Variants in FAR2 observed in about 807,000 individuals in gnomAD.
FAR2 encodes the protein fatty acyl-CoA reductase 2.
A neutral mutation model predicts 56.0 loss-of-function variants in FAR2; 19 were observed. The observed-to-expected ratio is 0.34, with a 90% CI of 0.24 to 0.50. The LOEUF is 0.50. Among genes scored for constraint, FAR2 ranks in the 20% least tolerant of loss-of-function variants. FAR2 has a pLI of 0.98. For synonymous variants in FAR2, 219 were observed against 218.8 expected (o/e 1.00, Z -0.01); for missense variants, 508 against 642.2 (o/e 0.79, Z 2.26).
intron 1 of FAR2, among the ~76,000 whole-genome samples, chr12:29,166,411 T>C (rs1355853314): frequency 2.6e-5 from 4 of 152,208 alleles, no homozygotes; most frequent in African/African-American, 9.6e-5. Flanking sequence ...CCAAGTGTTG[T>C]CTTATCTTTC....
intron 9 of FAR2, among the ~76,000 whole-genome samples, chr12:29,320,193 C>T (rs775088045): frequency 1.2e-4 from 19 of 152,212 alleles, no homozygotes; most frequent in Admixed American, 1.1e-3. Context: ...GGCAATAAAG[C>T]GAGACCCTGT....
intron 4 of FAR2, among the ~76,000 whole-genome samples, chr12:29,302,457 G>T (rs7301398): frequency 0.3 from 45,407 of 151,596 alleles, 6,858 homozygotes; most frequent in East Asian, 0.35. Context: ...GCCTGGCAGG[G>T]CAGCTGGAGC....
intron 1 of FAR2, among the ~76,000 whole-genome samples, chr12:29,258,131 G>A (rs1322643203): frequency 1.3e-5 from 2 of 151,630 alleles, no homozygotes; most frequent in Admixed American, 6.6e-5. Flanking sequence ...ATCACCTGAG[G>A]TCAGGAATTC....
chr12:29,265,576 G>C (rs182693392), intron 1 of FAR2, among the ~76,000 whole-genome samples: 1 of 152,136 alleles, frequency 6.6e-6, no homozygotes, highest in South Asian at 2.1e-4. Flanking sequence ...TGAAACTACT[G>C]TAAGAAAACA....
chr12:29,296,053 C>A (rs527419130), intron 3 of FAR2, among the ~76,000 whole-genome samples: 88 of 152,230 alleles, frequency 5.8e-4, no homozygotes, highest in South Asian at 2.3e-3. Context: ...CAGGCGTGAG[C>A]CACCGCGCCC....
chr12:29,196,186 AT>A (rs1369894106), intron 1 of FAR2, among the ~76,000 whole-genome samples: 2 of 152,074 alleles, frequency 1.3e-5, no homozygotes, highest in African/African-American at 4.8e-5. Flanking sequence ...TTTTTATAGA[AT>A]GACTTCTTTT....
Position 29,334,058 on chromosome 12 carries a change from C to T in FAR2, c.*264C>T, listed in dbSNP as rs552828644. 3.2e-4 allele frequency: 90 copies of T among 285,714 alleles called. No individual in the cohort carries two copies. Among genetic ancestry groups the T allele is most frequent in the Non-Finnish European group, 4.9e-4 (76 of 154,358 alleles). The allele number at this position is 285,714 out of a possible 1,614,324, so 17.7% of individuals were successfully genotyped here. On this transcript the variant is annotated 3_prime_UTR_variant, in exon 12 of 12. Coordinates refer to ENST00000536681, the MANE Select transcript of FAR2 (RefSeq NM_001271783.2). ...CTATTTTATGCCCTTGCGTATTAAACGTGAAAGTACTCCCACTTTTCTATA... is the reference window on the plus strand; with the variant it reads ...CTATTTTATGCCCTTGCGTATTAAATGTGAAAGTACTCCCACTTTTCTATA...
chr12:29,299,563 G>T (rs1227857930), intron 4 of FAR2, among the ~76,000 whole-genome samples: 1 of 152,184 alleles, frequency 6.6e-6, no homozygotes, highest in East Asian at 1.9e-4. Flanking sequence ...CAACTAATTA[G>T]AACTAGGAAT....
chr12:29,271,427 T>C (rs1054158935), intron 2 of FAR2, among the ~76,000 whole-genome samples: 1 of 152,214 alleles, frequency 6.6e-6, no homozygotes, highest in Non-Finnish European at 1.5e-5. Context: ...ACTAATTTCA[T>C]AGGAACTAAA....
At chr12:29,196,322 T>G (rs1471325931) in intron 1 of FAR2, among the ~76,000 whole-genome samples, 1 of 152,146 alleles carries the variant, frequency 6.6e-6, no homozygotes, top group Non-Finnish European at 1.5e-5. Flanking sequence ...ATAAGCATTC[T>G]CTTTTCTCTG....
At chr12:29,239,087 A>G (rs571248891) in intron 1 of FAR2, among the ~76,000 whole-genome samples, 77 of 152,300 alleles carry the variant, frequency 5.1e-4, no homozygotes, top group African/African-American at 1.8e-3. Context: ...TGCATCTGTG[A>G]AATCTCTTCA....
chr12:29,299,710 A>C (rs866157197), intron 4 of FAR2, among the ~76,000 whole-genome samples: 1 of 152,182 alleles, frequency 6.6e-6, no homozygotes, highest in Non-Finnish European at 1.5e-5. Flanking sequence ...ATCCAGCCTC[A>C]TCTCTCTCAG....
At chr12:29,327,947 C>G (rs1248715001) in intron 10 of FAR2, among the ~76,000 whole-genome samples, 1 of 151,662 alleles carries the variant, frequency 6.6e-6, no homozygotes, top group Non-Finnish European at 1.5e-5. Context: ...CAAAAGAAAC[C>G]ACCATCAGAG....
At chr12:29,253,229 CTAGATA>C (rs1565489304) in intron 1 of FAR2, among the ~76,000 whole-genome samples, 1 of 77,568 alleles carries the variant, frequency 1.3e-5, no homozygotes, top group African/African-American at 4.7e-5. Context: ...CGATATCTAT[CTAGATA>C]GATATCTATA....
At chr12:29,209,038 T>C (rs1440093852) in intron 1 of FAR2, among the ~76,000 whole-genome samples, 1 of 151,558 alleles carries the variant, frequency 6.6e-6, no homozygotes, top group Non-Finnish European at 1.5e-5. Flanking sequence ...TCAGAGGCTA[T>C]TGCAGAAATT....
At chr12:29,245,066 C>T (rs1031573639) in intron 1 of FAR2, among the ~76,000 whole-genome samples, 8 of 152,054 alleles carry the variant, frequency 5.3e-5, no homozygotes, top group Admixed American at 3.3e-4. Context: ...CTGCAACCTC[C>T]GTCTCCCGGG....
intron 2 of FAR2, among the ~76,000 whole-genome samples, chr12:29,283,081 T>C (rs1948811765): frequency 6.6e-6 from 1 of 152,192 alleles, no homozygotes; most frequent in African/African-American, 2.4e-5. Flanking sequence ...GTATTACTTA[T>C]AGTAAACTTG....
At chr12:29,159,450 A>G (rs1164124489) in intron 1 of FAR2, among the ~76,000 whole-genome samples, 1 of 150,234 alleles carries the variant, frequency 6.7e-6, no homozygotes, top group Non-Finnish European at 1.5e-5. Context: ...AGGCAGGAGA[A>G]TGGTGTGAAT....
chr12:29,236,264 TG>T (rs1947939359), intron 1 of FAR2, among the ~76,000 whole-genome samples: 1 of 152,136 alleles, frequency 6.6e-6, no homozygotes, highest in Non-Finnish European at 1.5e-5. Context: ...TAGAAACAGA[TG>T]CGCTTTTGTT....
Sources: gnomAD v4.1 joint callset for allele counts (sites outside exome capture counted in the v4.1 genomes callset) on GRCh38, gnomAD v4.1.1 for gene constraint, MANE v1.5 for transcripts, NCBI Gene and HGNC (gene_info 2026-07-23, HGNC 2026-07-21) for gene names.